NLGN1: variants seen among roughly 807,000 people sequenced by gnomAD.
NLGN1 encodes neuroligin 1.
A neutral mutation model predicts 65.5 loss-of-function variants in NLGN1; 12 were observed. The observed-to-expected ratio is 0.18, with a 90% CI of 0.12 to 0.30. The LOEUF (loss-of-function observed/expected upper bound fraction) is 0.30, where lower values mean the gene tolerates loss of function less well. Among genes scored for constraint, NLGN1 ranks in the 10% least tolerant of loss-of-function variants. The pLI is 1.00. For synonymous variants in NLGN1, 350 were observed against 359.5 expected, an observed-to-expected ratio of 0.97 and a Z score of 0.30; for missense variants, 750 against 1,007.1, an observed-to-expected ratio of 0.74 and a Z score of 3.46.
intron 4 of NLGN1, among the ~76,000 whole-genome samples, chr3:173,875,086 G>C (rs1731871346): frequency 6.6e-6 from 1 of 152,144 alleles, no homozygotes; most frequent in African/African-American, 2.4e-5. Context: ...TGTTACTCCT[G>C]TACCTGAGCA....
At chr3:173,617,427 T>A (rs973475304) in intron 3 of NLGN1, among the ~76,000 whole-genome samples, 1 of 152,234 alleles carries the variant, frequency 6.6e-6, no homozygotes, top group Admixed American at 6.5e-5. Context: ...TGCAATTTGT[T>A]GGAGAGAGCC....
chr3:173,754,000 T>C (rs1266257504), intron 3 of NLGN1, among the ~76,000 whole-genome samples: 2 of 136,768 alleles, frequency 1.5e-5, no homozygotes, highest in Non-Finnish European at 3.1e-5. Context: ...TCAAGTACTT[T>C]TTTTTTCTTT....
At chr3:173,406,186 T>C (rs1718615087) in intron 1 of NLGN1, among the ~76,000 whole-genome samples, 1 of 151,992 alleles carries the variant, frequency 6.6e-6, no homozygotes, top group African/African-American at 2.4e-5. Context: ...TCCTCAAATA[T>C]ACTGGATGAG....
At chr3:174,039,662 A>AATGC (rs1172244076) in intron 4 of NLGN1, among the ~76,000 whole-genome samples, 14 of 152,146 alleles carry the variant, frequency 9.2e-5, no homozygotes, top group Admixed American at 7.2e-4. Context: ...GCTTATTGCA[A>AATGC]AGGACAAAAT....
chr3:173,539,939 G>GTATA (rs1329653035), intron 2 of NLGN1, among the ~76,000 whole-genome samples: 3 of 147,256 alleles, frequency 2.0e-5, no homozygotes, highest in South Asian at 2.1e-4. Context: ...GTGTGTGTGT[G>GTATA]TATATATATC....
intron 4 of NLGN1, among the ~76,000 whole-genome samples, chr3:173,825,894 T>C (rs2150562008): frequency 6.6e-6 from 1 of 152,124 alleles, no homozygotes; most frequent in South Asian, 2.1e-4. Context: ...TAGAGCAAAG[T>C]AGAGTTCATT....
chr3:173,958,822 C>T (rs555480455), intron 4 of NLGN1, among the ~76,000 whole-genome samples: 2 of 152,320 alleles, frequency 1.3e-5, no homozygotes, highest in African/African-American at 4.8e-5. Context: ...TTGAGCTGCC[C>T]TCAGCACCCC....
At chr3:173,727,612 A>G (rs1191111254) in intron 3 of NLGN1, among the ~76,000 whole-genome samples, 2 of 152,034 alleles carry the variant, frequency 1.3e-5, no homozygotes, top group Non-Finnish European at 2.9e-5. Flanking sequence ...CCAATTTTTA[A>G]CCTTTCAGCT....
intron 4 of NLGN1, among the ~76,000 whole-genome samples, chr3:174,007,261 C>G (rs939238986): frequency 6.6e-6 from 1 of 152,144 alleles, no homozygotes; most frequent in African/African-American, 2.4e-5. Flanking sequence ...AGAGAAAATA[C>G]ATTTTTTGTT....
chr3:173,985,508 A>G (rs1198937462), intron 4 of NLGN1, among the ~76,000 whole-genome samples: 1 of 152,228 alleles, frequency 6.6e-6, no homozygotes, highest in African/African-American at 2.4e-5. Flanking sequence ...GAAAATATGC[A>G]TTGAGTAAAC....
chr3:173,488,870 C>T (rs1026545567), intron 2 of NLGN1, among the ~76,000 whole-genome samples: 10 of 150,908 alleles, frequency 6.6e-5, no homozygotes, highest in Non-Finnish European at 1.3e-4. Flanking sequence ...TTTTTCTCCT[C>T]TGAAACTTTT....
intron 4 of NLGN1, among the ~76,000 whole-genome samples, chr3:173,996,511 A>G (rs145348276): frequency 1.6e-4 from 24 of 152,300 alleles, no homozygotes; most frequent in African/African-American, 5.8e-4. Flanking sequence ...AAATAAAATT[A>G]AATTGAACTT....
chr3:173,541,985 TA>T (rs1738955446), intron 2 of NLGN1, among the ~76,000 whole-genome samples: 1 of 152,062 alleles, frequency 6.6e-6, no homozygotes, highest in Non-Finnish European at 1.5e-5. Flanking sequence ...TTCTAATATT[TA>T]TTTGATAATT....
At chr3:174,043,270 C>G (rs1218686371) in intron 4 of NLGN1, among the ~76,000 whole-genome samples, 1 of 152,170 alleles carries the variant, frequency 6.6e-6, no homozygotes, top group African/African-American at 2.4e-5. Flanking sequence ...CCTTCCAGAT[C>G]TCATGTATGT....
At chr3:174,162,790 G>A (rs1272719973) in intron 4 of NLGN1, among the ~76,000 whole-genome samples, 1 of 150,462 alleles carries the variant, frequency 6.6e-6, no homozygotes, top group African/African-American at 2.4e-5. Flanking sequence ...TGTTGTCATA[G>A]CCTATAATTC....
chr3:174,194,674 A>G (rs984192770), intron 4 of NLGN1, among the ~76,000 whole-genome samples: 19 of 151,358 alleles, frequency 1.3e-4, no homozygotes, highest in African/African-American at 3.9e-4. Flanking sequence ...TAAGAAGTAA[A>G]TAAACATTTG....
chr3:174,238,860 A>G (rs997266702), intron 4 of NLGN1, among the ~76,000 whole-genome samples: 4 of 151,774 alleles, frequency 2.6e-5, no homozygotes, highest in Non-Finnish European at 5.9e-5. Context: ...ATAAGATGAT[A>G]TCAACTGTCT....
intron 4 of NLGN1, among the ~76,000 whole-genome samples, chr3:174,126,754 T>C (rs1719023894): frequency 6.6e-6 from 1 of 152,128 alleles, no homozygotes; most frequent in East Asian, 1.9e-4. Flanking sequence ...GGACAACTTC[T>C]GTGATTTTTC....
intron 2 of NLGN1, among the ~76,000 whole-genome samples, chr3:173,509,177 A>T (rs1158618765): frequency 1.3e-5 from 2 of 152,174 alleles, no homozygotes; most frequent in Non-Finnish European, 2.9e-5. Flanking sequence ...ACTGCCACAA[A>T]TAAGGCACTA....
Sources: allele counts gnomAD v4.1 joint callset (sites outside exome capture counted in the v4.1 genomes callset), GRCh38; gene constraint gnomAD v4.1.1; transcripts MANE v1.5; gene names NCBI Gene and HGNC (gene_info 2026-07-23, HGNC 2026-07-21).